The following NUDT5 variants were observed in gnomAD, a reference collection of about 807,000 sequenced individuals.
NUDT5 encodes the protein nudix hydrolase 5.
NUDT5 carries 21 observed loss-of-function variants against 34.1 expected under a neutral mutation model. The ratio of observed to expected loss-of-function variants is 0.62; its 90% CI spans 0.44 to 0.89. NUDT5 has a LOEUF of 0.89. Ranked by LOEUF, NUDT5 falls within the 40% of genes least tolerant of loss-of-function variation. The pLI is 0.00. For missense variants in NUDT5, 249 were observed against 274.8 expected, an observed-to-expected ratio of 0.91 and a Z score of 0.66; for synonymous variants, 85 against 97.6, an observed-to-expected ratio of 0.87 and a Z score of 0.76.
chr10:12,173,458 C>T lies in NUDT5; in HGVS notation c.385+260G>A, dbSNP rs1834895663. Reference sequence around the variant, plus strand: ...CCTCAGGTGATCCACCTGCCTCGGCCTCCCAAAGTGCTGGGATTACAGGCA... The same window carrying T: ...CCTCAGGTGATCCACCTGCCTCGGCTTCCCAAAGTGCTGGGATTACAGGCA... On this transcript the variant is annotated intron_variant, in intron 6 of 9. Transcript: ENST00000491614. This position sits in a 1 kb window ranked among gnomAD's most constrained non-coding sequence, Gnocchi z 4.7. Among the ~76,000 whole-genome samples the T allele has an allele frequency of 6.6e-6, 1 of 152,206 alleles. No individual in the cohort carries two copies. Among genetic ancestry groups the T allele is most frequent in the African/African-American group, 2.4e-5 (1 of 41,444 alleles).
At chr10:12,177,649 A>AGGGGGCCT in intron 5 of NUDT5, 144 bp downstream of exon 5, 2 of 643,760 alleles carry the variant, frequency 3.1e-6, no homozygotes, top group Admixed American at 2.6e-5. Context: ...GGGGGCCTGG[A>AGGGGGCCT]GGAGCCTCGC....
chr10:12,186,384 A>G lies in NUDT5; in HGVS notation c.-41-52T>C. On this transcript the variant is annotated intron_variant, in intron 1 of 9. Coordinates refer to ENST00000491614, the MANE Select transcript of NUDT5 (RefSeq NM_014142.4). ...CTAAAATTATTTTTCTGAATTAAAC[A>G]TTCGTCCACAGGACACTAGTCAAAG... 8.1e-6 allele frequency: 8 copies of G among 993,212 alleles called. No homozygotes were observed. In the South Asian group the frequency reaches 1.1e-4, roughly 13 times the overall value. 61.5% of individuals were successfully genotyped at this position (993,212 alleles called of 1,614,324 possible).
rs557842158 is a variant in NUDT5 at position 12,168,745 on chromosome 10, C to A, written c.551-934G>T. On this transcript the variant is annotated intron_variant, in intron 9 of 9. Coordinates refer to ENST00000491614, the MANE Select transcript of NUDT5 (RefSeq NM_014142.4). This position sits in a 1 kb window ranked among gnomAD's most constrained non-coding sequence, Gnocchi z 4.8. ...AACTGGCAGATGCTACTCTTTGTAG[C>A]AAACTGATCTTTTTTTAATTTTTTT... 2.7e-4 allele frequency among the ~76,000 whole-genome samples: 41 copies of A among 152,052 alleles called. 1 individual carries two copies. The highest frequency in any genetic ancestry group is 4.9e-4 in the Non-Finnish European group (33 of 68,014).
chr10:12,177,763 T>C lies in NUDT5; in HGVS notation c.289+30A>G, dbSNP rs375956412. 109 of 1,503,624 alleles carry C rather than the reference T, an allele frequency of 7.2e-5. 1 individual carries two copies. The South Asian group carries it at 1.2e-3, about 16-fold the overall frequency. The allele number at this position is 1,503,624 out of a possible 1,614,324, so 93.1% of individuals were successfully genotyped here. On this transcript the variant is annotated intron_variant, in intron 5 of 9. Transcript: ENST00000491614. ...TTACCCTGGTTCAGGCCAACATCCC[T>C]AAGAAGCAATTCGATGTTGAGTGAC...
At chr10:12,177,505 C>A (rs1208580442) in intron 5 of NUDT5, among the ~76,000 whole-genome samples, 1 of 152,026 alleles carries the variant, frequency 6.6e-6, no homozygotes. Flanking sequence ...GGTGATAGAG[C>A]GAGACTCCGT....
Position 12,172,887 on chromosome 10 carries a change from C to T in NUDT5, c.386-21G>A, listed in dbSNP as rs377224763. On this transcript the variant is annotated intron_variant, in intron 6 of 9. Coordinates refer to ENST00000491614, the MANE Select transcript of NUDT5 (RefSeq NM_014142.4). ...GACCGCTGTGGAGAGAAGGGACAGTCAGATGCGTCAGTCCCTTTGGCATTT... is the reference window on the plus strand; with the variant it reads ...GACCGCTGTGGAGAGAAGGGACAGTTAGATGCGTCAGTCCCTTTGGCATTT... 4 of 1,516,592 alleles carry T rather than the reference C, an allele frequency of 2.6e-6. No individual in the cohort carries two copies. In the African/African-American group the frequency reaches 4.1e-5, roughly 16 times the overall value. The allele number at this position is 1,516,592 out of a possible 1,614,324, so 93.9% of individuals were successfully genotyped here.
At position 12,181,876 on chromosome 10, in the gene NUDT5, C is replaced by CGACT. The variant is rs1835048719; in HGVS notation, c.132-2748_132-2745dup. ...GGATATGGCCGGATGCGGTGGCTCACGACTGTAGTCCTAGCACTTTGGGAG... is the reference window on the plus strand; with the variant it reads ...GGATATGGCCGGATGCGGTGGCTCACGACTGACTGTAGTCCTAGCACTTTGGGAG... On this transcript the variant is annotated intron_variant, in intron 3 of 9. Transcript: ENST00000491614. The surrounding 1 kb of genome is among the most constrained non-coding windows in gnomAD (Gnocchi z 5.0). 6.6e-6 allele frequency among the ~76,000 whole-genome samples: 1 copy of CGACT among 152,012 alleles called. No homozygotes were observed. Among genetic ancestry groups the CGACT allele is most frequent in the Admixed American group, 6.5e-5 (1 of 15,270 alleles).
In NUDT5 at chr10:12,175,195, C is replaced by T. The variant is rs1182694938; in HGVS notation, c.290-1382G>A. On this transcript the variant is annotated intron_variant, in intron 5 of 9. Transcript: ENST00000491614. This position sits in a 1 kb window ranked among gnomAD's most constrained non-coding sequence, Gnocchi z 4.8. The stretch of plus-strand genomic sequence containing the variant: ...AATTAGCCAGGTGTGGTGGTACGCA[C>T]CTGTATTCCAGCTACGCGGGAGGCT... 6.6e-6 allele frequency among the ~76,000 whole-genome samples: 1 copy of T among 152,076 alleles called. No homozygotes were observed. The highest frequency in any genetic ancestry group is 1.5e-5 in the Non-Finnish European group (1 of 68,014).
chr10:12,179,522 G>C (rs1364539224), intron 3 of NUDT5, among the ~76,000 whole-genome samples: 2 of 152,164 alleles, frequency 1.3e-5, no homozygotes, highest in African/African-American at 4.8e-5. Context: ...CCCGTCTCTA[G>C]GAACAAAAGC....
At chr10:12,189,653 T>C (rs1473494830) in intron 1 of NUDT5, among the ~76,000 whole-genome samples, 1 of 152,206 alleles carries the variant, frequency 6.6e-6, no homozygotes, top group Non-Finnish European at 1.5e-5. Flanking sequence ...GGCCAGTCAC[T>C]GCCAGCAACA....
At chr10:12,186,367 A>G in intron 1 of NUDT5, 35 bp from the exon 2 acceptor site, 1 of 1,135,972 alleles carries the variant, frequency 8.8e-7, no homozygotes, top group Non-Finnish European at 1.3e-6. Flanking sequence ...GGCTAAAATT[A>G]TTTTTCTGAA....
At position 12,173,215 on chromosome 10, in the gene NUDT5, T is replaced by C. The variant is rs930321823; in HGVS notation, c.386-349A>G. 5.9e-5 allele frequency among the ~76,000 whole-genome samples: 9 copies of C among 152,244 alleles called. No individual in the cohort carries two copies. Among genetic ancestry groups the C allele is most frequent in the Non-Finnish European group, 1.2e-4 (8 of 67,996 alleles). On this transcript the variant is annotated intron_variant, in intron 6 of 9. Coordinates refer to ENST00000491614, the MANE Select transcript of NUDT5 (RefSeq NM_014142.4). This position sits in a 1 kb window ranked among gnomAD's most constrained non-coding sequence, Gnocchi z 4.7. Reference sequence around the variant, plus strand: ...GGGGGTAGGAAATTCCTAAAGGCAATTGATTTTTTGAGACAGAGTTTCACT... The same window carrying C: ...GGGGGTAGGAAATTCCTAAAGGCAACTGATTTTTTGAGACAGAGTTTCACT...
rs755517877 is a variant in NUDT5 at position 12,170,684 on chromosome 10, G to C, written c.550+33C>G. 6.2e-7 allele frequency: 1 copy of C among 1,607,660 alleles called. No homozygotes were observed. The highest frequency in any genetic ancestry group is 8.5e-7 in the Non-Finnish European group (1 of 1,175,360). On this transcript the variant is annotated intron_variant, in intron 9 of 9. Coordinates refer to ENST00000491614, the MANE Select transcript of NUDT5 (RefSeq NM_014142.4). This position sits in a 1 kb window ranked among gnomAD's most constrained non-coding sequence, Gnocchi z 4.9. ...GCTGGGATGGGGACGGGGAGAACTG[G>C]AGAAACTGGGTGGCGGTCTGGAGAA...
chr10:12,184,977 A>T, intron 2 of NUDT5, 21 bp from the exon 3 acceptor site: 1 of 1,354,496 alleles, frequency 7.4e-7, no homozygotes. Flanking sequence ...ATCAGATAAT[A>T]AGTTGGGAAA....
rs1834857991 is a variant in NUDT5 at position 12,171,692 on chromosome 10, TTTA to T, written c.488-787_488-785del. ...AGTTCAAAAATTAAGATTTATTTTATTTATTTATTTATTTATTTATTTATTTAT... is the reference window on the plus strand; with the variant it reads ...AGTTCAAAAATTAAGATTTATTTTATTTTATTTATTTATTTATTTATTTAT... On this transcript the variant is annotated intron_variant, in intron 7 of 9. Transcript: ENST00000491614. The surrounding 1 kb of genome is among the most constrained non-coding windows in gnomAD (Gnocchi z 4.2). Among the ~76,000 whole-genome samples the T allele has an allele frequency of 1.2e-3, 53 of 45,378 alleles. No homozygotes were observed. Among genetic ancestry groups the T allele is most frequent in the African/African-American group, 2.1e-3 (35 of 16,284 alleles). 29.8% of individuals were successfully genotyped at this position (45,378 alleles called of 152,430 possible).
Position 12,195,801 on chromosome 10 carries a change from A to T in NUDT5, c.-73T>A. ...GTGTAGGGGTGAAGAACGGAAGAGG[A>T]CGAAATAACTAGCTGGAGGCAGCAG... On this transcript the variant is annotated 5_prime_UTR_variant, in exon 1 of 10. Coordinates refer to ENST00000491614, the MANE Select transcript of NUDT5 (RefSeq NM_014142.4). The T allele has an allele frequency of 3.2e-5, 7 of 217,222 alleles. No individual in the cohort carries two copies. The highest frequency in any genetic ancestry group is 1.6e-4 in the Admixed American group (3 of 18,804). The allele number at this position is 217,222 out of a possible 1,614,324, so 13.5% of individuals were successfully genotyped here.
Position 12,170,281 on chromosome 10 carries a change from A to C in NUDT5, c.550+436T>G. 4 of 1,282,378 alleles carry C rather than the reference A, an allele frequency of 3.1e-6. No homozygotes were observed. The highest frequency in any genetic ancestry group is 4.5e-6 in the Non-Finnish European group (4 of 891,032). The allele number at this position is 1,282,378 out of a possible 1,614,324, so 79.4% of individuals were successfully genotyped here. A position where few individuals can be genotyped will look rare whatever the true frequency, so the allele number is the denominator to read the frequency against. ...ACACGGAGTATACAGGAAATACCTCAAGTATTTGTTGAAGGAGCATCATCA... is the reference window on the plus strand; with the variant it reads ...ACACGGAGTATACAGGAAATACCTCCAGTATTTGTTGAAGGAGCATCATCA... On this transcript the variant is annotated intron_variant, in intron 9 of 9. Transcript: ENST00000491614. This position sits in a 1 kb window ranked among gnomAD's most constrained non-coding sequence, Gnocchi z 4.9.
At chr10:12,179,202 C>A in intron 3 of NUDT5, 70 bp from the exon 4 acceptor site, 1 of 1,298,338 alleles carries the variant, frequency 7.7e-7, no homozygotes, top group Non-Finnish European at 1.1e-6. Flanking sequence ...TTTCTCTGTA[C>A]AACCAGAACT....
intron 2 of NUDT5, 80 bp from the exon 3 acceptor site, chr10:12,185,036 C>A: frequency 1.3e-6 from 1 of 748,986 alleles, no homozygotes; most frequent in Non-Finnish European, 2.4e-6. Context: ...TTTCACATTT[C>A]CTCTGTCTTT....
Sources: allele counts gnomAD v4.1 joint callset (sites outside exome capture counted in the v4.1 genomes callset), GRCh38; gene constraint gnomAD v4.1.1; non-coding constraint Gnocchi (gnomAD v3.1); transcripts MANE v1.5; gene names NCBI Gene and HGNC (gene_info 2026-07-23, HGNC 2026-07-21).